EPB41L2: variants seen among roughly 807,000 people sequenced by gnomAD.
EPB41L2 encodes the protein band 4.1-like protein 2.
EPB41L2 carries 43 observed loss-of-function variants against 113.0 expected under a neutral mutation model. That is an observed-to-expected ratio of 0.38 (90% CI 0.30 to 0.49). The LOEUF is 0.49. Ranked by LOEUF, EPB41L2 falls within the 20% of genes least tolerant of loss-of-function variation. The pLI is 0.95. For synonymous variants in EPB41L2, 442 were observed against 436.7 expected (o/e 1.01, Z -0.15); for missense variants, 1,147 against 1,223.4 (o/e 0.94, Z 0.93).
chr6:130,857,394 A>G (rs1780579685), intron 19 of EPB41L2, among the ~76,000 whole-genome samples: 1 of 152,148 alleles, frequency 6.6e-6, no homozygotes, highest in Admixed American at 6.5e-5. Flanking sequence ...AGTTCTTAAT[A>G]TACTCAGGAT....
intron 13 of EPB41L2, 98 bp from the exon 14 acceptor site, chr6:130,878,348 G>T: frequency 7.5e-7 from 1 of 1,325,174 alleles, no homozygotes. Flanking sequence ...GCAAACTTAC[G>T]ATTAAAAAAA....
Position 130,880,173 on chromosome 6 carries a change from A to G in EPB41L2, c.1867T>C (p.Tyr623His). Residue 623 changes from tyrosine (Y) to histidine (H), a missense_variant, in exon 13 of 20, where the codon TAT becomes CAT. Transcript: ENST00000337057. ...AACATTAAATTGCTATGTCTGACATAAATATTATCCCCTTCTACTCTCAAG... is the reference window on the plus strand; with the variant it reads ...AACATTAAATTGCTATGTCTGACATGAATATTATCCCCTTCTACTCTCAAG... Reference protein sequence around the residue: ...NSLRVEGDNIYVRHSNLMLEE... With the variant: ...NSLRVEGDNIHVRHSNLMLEE... The G allele has an allele frequency of 6.2e-7, 1 of 1,610,276 alleles. No homozygotes were observed. Among genetic ancestry groups the G allele is most frequent in the Non-Finnish European group, 8.5e-7 (1 of 1,176,568 alleles).
intron 10 of EPB41L2, 117 bp from the exon 11 acceptor site, chr6:130,890,583 ATT>A (rs1792520598): frequency 1.7e-6 from 2 of 1,207,662 alleles, no homozygotes; most frequent in Non-Finnish European, 2.2e-6. Flanking sequence ...TTTAAGTATG[ATT>A]ACTCAAAAAC....
intron 1 of EPB41L2, among the ~76,000 whole-genome samples, chr6:130,999,519 G>T (rs983332755): frequency 6.6e-6 from 1 of 152,174 alleles, no homozygotes; most frequent in African/African-American, 2.4e-5. Flanking sequence ...CACATTTGTA[G>T]TAAGAAATCT....
intron 1 of EPB41L2, among the ~76,000 whole-genome samples, chr6:131,053,496 C>T (rs538388765): frequency 3.4e-5 from 5 of 149,244 alleles, no homozygotes; most frequent in South Asian, 2.1e-4. Flanking sequence ...GGAAGAAAAG[C>T]TCCCTGCTTC....
intron 1 of EPB41L2, among the ~76,000 whole-genome samples, chr6:130,965,233 T>A (rs1472678989): frequency 6.6e-6 from 1 of 152,160 alleles, no homozygotes; most frequent in Non-Finnish European, 1.5e-5. Context: ...GTGGGAGACA[T>A]AGGTAATAAG....
chr6:130,896,424 A>C (rs149493150), intron 8 of EPB41L2, among the ~76,000 whole-genome samples: 5 of 152,358 alleles, frequency 3.3e-5, no homozygotes, highest in Admixed American at 6.5e-5. Flanking sequence ...GTGTTTGCCA[A>C]AACCATCACT....
intron 18 of EPB41L2, 66 bp from the exon 19 acceptor site, chr6:130,858,309 C>T: frequency 2.6e-6 from 3 of 1,146,888 alleles, no homozygotes; most frequent in Admixed American, 2.0e-5. Flanking sequence ...AATGGCAAAA[C>T]ACACACACAC....
At chr6:131,010,436 G>C (rs1049633595) in intron 1 of EPB41L2, among the ~76,000 whole-genome samples, 2 of 144,490 alleles carry the variant, frequency 1.4e-5, no homozygotes, top group Non-Finnish European at 3.0e-5. Context: ...TTTTTGAAAC[G>C]CAGTTTCACA....
chr6:130,862,538 C>T (rs933064), intron 18 of EPB41L2, among the ~76,000 whole-genome samples: 23,560 of 152,156 alleles, frequency 0.15, 3,470 homozygotes, highest in East Asian at 0.38. Flanking sequence ...ACATAAGTCA[C>T]TCATTTTCCC....
chr6:130,946,822 A>T (rs1583772333), intron 3 of EPB41L2, among the ~76,000 whole-genome samples: 1 of 152,070 alleles, frequency 6.6e-6, no homozygotes, highest in Admixed American at 6.6e-5. Flanking sequence ...TTTTGATTTT[A>T]AAAAAATTAT....
At chr6:131,047,397 T>C (rs932129590) in intron 1 of EPB41L2, among the ~76,000 whole-genome samples, 3 of 152,190 alleles carry the variant, frequency 2.0e-5, no homozygotes, top group East Asian at 1.9e-4. Context: ...GTCTGACATA[T>C]ATTAAGTACT....
At chr6:130,915,558 A>G (rs1800771626) in intron 4 of EPB41L2, among the ~76,000 whole-genome samples, 1 of 152,194 alleles carries the variant, frequency 6.6e-6, no homozygotes, top group Non-Finnish European at 1.5e-5. Flanking sequence ...CATTTATGCT[A>G]GCCAATATTT....
At chr6:130,947,581 T>C (rs1813377075) in intron 3 of EPB41L2, among the ~76,000 whole-genome samples, 1 of 152,176 alleles carries the variant, frequency 6.6e-6, no homozygotes, top group Non-Finnish European at 1.5e-5. Context: ...CCATATCTAC[T>C]TCCCCAAATA....
intron 3 of EPB41L2, among the ~76,000 whole-genome samples, chr6:130,947,243 C>T (rs1475573377): frequency 6.6e-6 from 1 of 152,112 alleles, no homozygotes; most frequent in Admixed American, 6.5e-5. Context: ...CCCTGTAAGC[C>T]AAGCTATCAC....
chr6:130,945,824 T>C (rs377208817), intron 3 of EPB41L2, among the ~76,000 whole-genome samples: 2 of 152,270 alleles, frequency 1.3e-5, no homozygotes, highest in African/African-American at 4.8e-5. Context: ...TATTGTTTTT[T>C]TCCCCCGCTT....
At chr6:130,947,588 A>T (rs185358616) in intron 3 of EPB41L2, among the ~76,000 whole-genome samples, 1 of 152,258 alleles carries the variant, frequency 6.6e-6, no homozygotes, top group Non-Finnish European at 1.5e-5. Flanking sequence ...TACTTCCCCA[A>T]ATAGTCCTCA....
chr6:130,985,414 C>T (rs1392799632), intron 1 of EPB41L2, among the ~76,000 whole-genome samples: 1 of 152,162 alleles, frequency 6.6e-6, no homozygotes. Context: ...TGTCAGTGCA[C>T]CTCATTCTTC....
intron 1 of EPB41L2, among the ~76,000 whole-genome samples, chr6:130,990,258 T>A (rs1227390371): frequency 1.3e-5 from 2 of 151,478 alleles, no homozygotes; most frequent in Non-Finnish European, 2.9e-5. Context: ...GAGGCAGAGG[T>A]TGCAGTGAGC....
Sources: allele counts gnomAD v4.1 joint callset (sites outside exome capture counted in the v4.1 genomes callset), GRCh38; gene constraint gnomAD v4.1.1; transcripts MANE v1.5; gene names NCBI Gene and HGNC (gene_info 2026-07-23, HGNC 2026-07-21).